SORCS2: variants seen among roughly 807,000 people sequenced by gnomAD.
SORCS2 encodes the protein VPS10 domain-containing receptor SorCS2.
In SORCS2, 100 loss-of-function variants were observed where a neutral mutation model predicts 141.6. The ratio of observed to expected loss-of-function variants is 0.71; its 90% CI spans 0.60 to 0.83. The LOEUF (loss-of-function observed/expected upper bound fraction) is 0.83, where lower values mean the gene tolerates loss of function less well. Ranked by LOEUF, SORCS2 falls within the 40% of genes least tolerant of loss-of-function variation. The probability of loss-of-function intolerance (pLI) is 0.00; values close to 1 mark genes in which losing one functional copy is unlikely to be tolerated. For missense variants in SORCS2, 1,646 were observed against 1,560.2 expected (o/e 1.05, Z -0.93); for synonymous variants, 789 against 676.9 (o/e 1.17, Z -2.57).
chr4:7,240,626 G>A (rs905899657), intron 1 of SORCS2, among the ~76,000 whole-genome samples: 39 of 152,280 alleles, frequency 2.6e-4, no homozygotes, highest in Admixed American at 8.5e-4. Context: ...TGTTTTCTGG[G>A]CTGGGCTGTG....
At chr4:7,595,268 C>T (rs1352155166) in intron 3 of SORCS2, among the ~76,000 whole-genome samples, 1 of 152,204 alleles carries the variant, frequency 6.6e-6, no homozygotes, top group Non-Finnish European at 1.5e-5. Flanking sequence ...CTGCCACATC[C>T]TCTCCAGCCG....
At chr4:7,314,124 G>A (rs998769315) in intron 1 of SORCS2, among the ~76,000 whole-genome samples, 6 of 152,234 alleles carry the variant, frequency 3.9e-5, no homozygotes, top group Middle Eastern at 3.4e-3. Context: ...GCCTGGAGTC[G>A]GGATCCTCCC....
chr4:7,294,338 G>A lies in SORCS2; in HGVS notation c.480+101212G>A, dbSNP rs78673260. ...GATGTGAGAACAGGCATCCTCTGGT[G>A]TAACCAGGACGGGGCTAGGTGGTGC... On this transcript the variant is annotated intron_variant, in intron 1 of 26. Transcript: ENST00000507866. Among the ~76,000 whole-genome samples the A allele has an allele frequency of 1.1e-3, 162 of 152,272 alleles. 1 individual carries two copies. In the East Asian group the frequency reaches 0.024, roughly 23 times the overall value.
chr4:7,588,632 G>A (rs1284391053), intron 3 of SORCS2, among the ~76,000 whole-genome samples: 3 of 152,140 alleles, frequency 2.0e-5, no homozygotes, highest in African/African-American at 7.2e-5. Flanking sequence ...GTGGCAACTG[G>A]GATCTAAGAA....
chr4:7,508,081 G>A (rs1342647373), intron 2 of SORCS2, among the ~76,000 whole-genome samples: 3 of 152,070 alleles, frequency 2.0e-5, no homozygotes, highest in African/African-American at 7.2e-5. Context: ...TGCGAGCCTG[G>A]AGGAAGTGGT....
chr4:7,604,184 C>A (rs1717912517), intron 3 of SORCS2, among the ~76,000 whole-genome samples: 1 of 152,116 alleles, frequency 6.6e-6, no homozygotes, highest in African/African-American at 2.4e-5. Flanking sequence ...GGCTCTGTGT[C>A]CCCACCCAAA....
chr4:7,613,860 A>G (rs1157994934), intron 3 of SORCS2, among the ~76,000 whole-genome samples: 1 of 151,796 alleles, frequency 6.6e-6, no homozygotes, highest in Non-Finnish European at 1.5e-5. Flanking sequence ...CCATCTACCC[A>G]TATACCCATT....
intron 1 of SORCS2, among the ~76,000 whole-genome samples, chr4:7,365,375 G>A (rs536044501): frequency 9.2e-5 from 14 of 152,204 alleles, no homozygotes; most frequent in African/African-American, 1.4e-4. Context: ...GGTGTGTGGC[G>A]AGGAGGACCC....
chr4:7,736,437 C>T (rs990983756), intron 25 of SORCS2, among the ~76,000 whole-genome samples: 9 of 152,224 alleles, frequency 5.9e-5, no homozygotes, highest in Non-Finnish European at 7.3e-5. Context: ...GAAAGCCCCC[C>T]TCTCCCACTG....
chr4:7,483,414 G>C (rs116077337), intron 2 of SORCS2, among the ~76,000 whole-genome samples: 16 of 151,746 alleles, frequency 1.1e-4, no homozygotes, highest in Admixed American at 2.0e-4. Context: ...GCCAAAGAAC[G>C]CAGGAGTTTG....
intron 3 of SORCS2, among the ~76,000 whole-genome samples, chr4:7,597,479 G>A (rs1414145665): frequency 6.7e-6 from 1 of 149,688 alleles, no homozygotes; most frequent in Non-Finnish European, 1.5e-5. Flanking sequence ...GCAATAGGAG[G>A]GGGCTATTGC....
intron 2 of SORCS2, among the ~76,000 whole-genome samples, chr4:7,460,966 C>G: frequency 6.6e-6 from 1 of 152,124 alleles, no homozygotes; most frequent in East Asian, 1.9e-4. Context: ...CATTTCTCCC[C>G]CCTCTCTTTC....
intron 1 of SORCS2, among the ~76,000 whole-genome samples, chr4:7,214,055 T>C (rs765492392): frequency 9.9e-5 from 15 of 152,164 alleles, no homozygotes; most frequent in Non-Finnish European, 1.9e-4. Flanking sequence ...TTTACAGGAA[T>C]TGTGGGAGAG....
intron 3 of SORCS2, among the ~76,000 whole-genome samples, chr4:7,534,862 T>C (rs187879149): frequency 1.2e-4 from 18 of 152,286 alleles, no homozygotes; most frequent in African/African-American, 4.1e-4. Flanking sequence ...ACGGAGTGCA[T>C]GGTGATTTGT....
intron 3 of SORCS2, among the ~76,000 whole-genome samples, chr4:7,577,145 G>A (rs146428261): frequency 1.2e-3 from 186 of 152,336 alleles, no homozygotes; most frequent in Admixed American, 3.0e-3. Context: ...TGTGGAGGGT[G>A]TGAGCTGGAG....
At chr4:7,654,548 G>A (rs76698988) in intron 5 of SORCS2, among the ~76,000 whole-genome samples, 2,332 of 152,256 alleles carry the variant, frequency 0.015, 66 homozygotes, top group African/African-American at 0.053. Flanking sequence ...CCCCAGTGGA[G>A]AGAGGTGCTG....
chr4:7,515,092 G>A (rs1001373025), intron 2 of SORCS2, among the ~76,000 whole-genome samples: 16 of 152,152 alleles, frequency 1.1e-4, no homozygotes, highest in African/African-American at 3.9e-4. Context: ...GGCAGGAAGG[G>A]GACCCACCAC....
chr4:7,279,785 A>T (rs549904652), intron 1 of SORCS2, among the ~76,000 whole-genome samples: 1 of 152,350 alleles, frequency 6.6e-6, no homozygotes, highest in African/African-American at 2.4e-5. Context: ...TGTTGTGGGT[A>T]ACATTTGTAT....
intron 1 of SORCS2, among the ~76,000 whole-genome samples, chr4:7,299,834 C>T (rs1014822164): frequency 1.3e-5 from 2 of 152,202 alleles, no homozygotes; most frequent in Non-Finnish European, 2.9e-5. Context: ...TCCCATCTTA[C>T]CGTCCAGCCA....
Sources: allele counts gnomAD v4.1 joint callset (sites outside exome capture counted in the v4.1 genomes callset), GRCh38; gene constraint gnomAD v4.1.1; transcripts MANE v1.5; gene names NCBI Gene and HGNC (gene_info 2026-07-23, HGNC 2026-07-21).